ARHGAP6: variants seen among roughly 807,000 people sequenced by gnomAD.
ARHGAP6 encodes Rho GTPase activating protein 6.
ARHGAP6 carries 16 observed loss-of-function variants against 55.7 expected under a neutral mutation model. That is an observed-to-expected ratio of 0.29 (90% CI 0.19 to 0.44). The LOEUF is 0.44. ARHGAP6 is among the 20% of genes least tolerant of loss of function. The pLI is 1.00. For synonymous variants in ARHGAP6, 382 were observed against 360.9 expected (o/e 1.06, Z -0.66); for missense variants, 698 against 808.9 (o/e 0.86, Z 1.66).
Position 11,414,319 on chromosome X carries a change from C to T in ARHGAP6, c.589-159612G>A, listed in dbSNP as rs1365589455. Among the ~76,000 whole-genome samples, 3 of 111,772 alleles carry T rather than the reference C, an allele frequency of 2.7e-5. No homozygotes were observed. In the Admixed American group the frequency reaches 2.9e-4, roughly 11 times the overall value. ...GTTCTAATAAAACTTTATTTATGAA[C>T]ACTAAAATCTGTATTTCATAAAATG... is the stretch of plus-strand genomic sequence containing the variant. On this transcript the variant is annotated intron_variant, in intron 1 of 12. Transcript: ENST00000337414.
chrX:11,300,137 A>G (rs1371355176), intron 1 of ARHGAP6, among the ~76,000 whole-genome samples: 1 of 111,951 alleles, frequency 8.9e-6, no homozygotes. Flanking sequence ...AAATGCATTT[A>G]CTTCTTTATG....
intron 1 of ARHGAP6, among the ~76,000 whole-genome samples, chrX:11,613,511 T>G: frequency 1.8e-5 from 2 of 112,359 alleles, no homozygotes; most frequent in Middle Eastern, 9.2e-3. Flanking sequence ...GTCCTTTAGC[T>G]AGTTCAATCA....
chrX:11,229,800 T>C (rs1233558019), intron 2 of ARHGAP6, among the ~76,000 whole-genome samples: 1 of 111,914 alleles, frequency 8.9e-6, no homozygotes, highest in Non-Finnish European at 1.9e-5. Context: ...CTTGTTCTTT[T>C]CATTTTAATT....
At chrX:11,175,503 C>T (rs1426841670) in intron 8 of ARHGAP6, among the ~76,000 whole-genome samples, 1 of 111,938 alleles carries the variant, frequency 8.9e-6, no homozygotes, top group Non-Finnish European at 1.9e-5. Context: ...AACCACTCTT[C>T]AAGGCTGGTT....
intron 3 of ARHGAP6, among the ~76,000 whole-genome samples, chrX:11,195,352 GAA>G (rs777313336): frequency 2.0e-5 from 2 of 99,059 alleles, no homozygotes. Context: ...ACCCTGTCTT[GAA>G]AAAAAAAAAA....
intron 1 of ARHGAP6, among the ~76,000 whole-genome samples, chrX:11,311,971 G>A (rs181970715): frequency 3.5e-4 from 37 of 106,922 alleles, no homozygotes; most frequent in African/African-American, 1.3e-3. Flanking sequence ...TGTTTGGCAA[G>A]CTCAACGAAA....
chrX:11,340,451 C>T (rs58534850), intron 1 of ARHGAP6, among the ~76,000 whole-genome samples: 15 of 112,039 alleles, frequency 1.3e-4, no homozygotes, highest in African/African-American at 4.6e-4. Context: ...AGATTTCGGC[C>T]GGGTGCAGTG....
rs766287887 is a variant in ARHGAP6 at position 11,224,330 on chromosome X, A to AGAACT, written c.749-27339_749-27335dup. On this transcript the variant is annotated intron_variant, in intron 2 of 12. Transcript: ENST00000337414. ...AGATGAAGAAGAGAGAAGAAGGAGA[A>AGAACT]GAACTAATTGTTGGTATCAGGCTTA... 1.1e-3 allele frequency: 539 copies of AGAACT among 470,077 alleles called. 2 individuals are homozygous for AGAACT. Among genetic ancestry groups the AGAACT allele is most frequent in the Non-Finnish European group, 1.4e-3 (487 of 359,758 alleles). 38.7% of individuals were successfully genotyped at this position (470,077 alleles called of 1,213,427 possible).
At chrX:11,450,684 A>G (rs1393014506) in intron 1 of ARHGAP6, among the ~76,000 whole-genome samples, 1 of 112,061 alleles carries the variant, frequency 8.9e-6, no homozygotes, top group African/African-American at 3.2e-5. Flanking sequence ...ATTCCAAAAG[A>G]TGAAAATCAT....
intron 1 of ARHGAP6, among the ~76,000 whole-genome samples, chrX:11,527,288 T>C (rs987518728): frequency 9.0e-6 from 1 of 111,406 alleles, no homozygotes; most frequent in African/African-American, 3.3e-5. Context: ...AAAGTTCAAG[T>C]GAGATATATG....
At chrX:11,164,620 A>G (rs939859961) in intron 9 of ARHGAP6, among the ~76,000 whole-genome samples, 1 of 111,783 alleles carries the variant, frequency 8.9e-6, no homozygotes, top group Non-Finnish European at 1.9e-5. Context: ...CTCATTTGAA[A>G]TTTCCCACGT....
chrX:11,606,069 C>T (rs775388564), intron 1 of ARHGAP6, among the ~76,000 whole-genome samples: 109 of 111,311 alleles, frequency 9.8e-4, no homozygotes, highest in Non-Finnish European at 1.7e-3. Context: ...AAAGGCAGTT[C>T]GCTGTGATGA....
chrX:11,257,980 A>C (rs894172869), intron 1 of ARHGAP6, among the ~76,000 whole-genome samples: 1 of 111,153 alleles, frequency 9.0e-6, no homozygotes, highest in African/African-American at 3.3e-5. Flanking sequence ...GGGAATTACA[A>C]GGCTGGAAGG....
chrX:11,305,799 C>G (rs1440699050), intron 1 of ARHGAP6, among the ~76,000 whole-genome samples: 1 of 111,543 alleles, frequency 9.0e-6, no homozygotes, highest in African/African-American at 3.3e-5. Flanking sequence ...CCACCACTCT[C>G]CAAAAGAATG....
chrX:11,644,607 A>C (rs1175912693), intron 1 of ARHGAP6, among the ~76,000 whole-genome samples: 2 of 110,875 alleles, frequency 1.8e-5, no homozygotes, highest in Non-Finnish European at 3.8e-5. Context: ...ACTGTTAGGG[A>C]AATTCCAAGC....
intron 4 of ARHGAP6, 115 bp downstream of exon 4, chrX:11,188,613 A>G (rs2046415810): frequency 2.9e-6 from 3 of 1,033,281 alleles, no homozygotes; most frequent in South Asian, 4.6e-5. Context: ...CATTGTTGAC[A>G]GATACCTGAA....
At chrX:11,287,786 C>G (rs1603020920) in intron 1 of ARHGAP6, among the ~76,000 whole-genome samples, 1 of 112,518 alleles carries the variant, frequency 8.9e-6, no homozygotes, top group Admixed American at 9.4e-5. Context: ...ATCTCCAAAG[C>G]CTGAAGCCCC....
intron 2 of ARHGAP6, among the ~76,000 whole-genome samples, chrX:11,201,136 A>C (rs2046613639): frequency 8.9e-6 from 1 of 112,278 alleles, no homozygotes; most frequent in African/African-American, 3.2e-5. Context: ...AAAAGACCTC[A>C]TCATTTTTGC....
At chrX:11,292,474 T>C (rs963051649) in intron 1 of ARHGAP6, among the ~76,000 whole-genome samples, 1 of 111,085 alleles carries the variant, frequency 9.0e-6, no homozygotes, top group Non-Finnish European at 1.9e-5. Context: ...GCTGAGAACA[T>C]GGAAACAAAG....
Sources: allele counts gnomAD v4.1 joint callset (sites outside exome capture counted in the v4.1 genomes callset), GRCh38; gene constraint gnomAD v4.1.1; transcripts MANE v1.5; gene names NCBI Gene and HGNC (gene_info 2026-07-23, HGNC 2026-07-21).